The following PRKD1 variants were observed in gnomAD, a reference collection of about 807,000 sequenced individuals.
PRKD1 encodes the protein protein kinase D1.
PRKD1 carries 63 observed loss-of-function variants against 95.9 expected under a neutral mutation model. The observed-to-expected ratio is 0.66, with a 90% confidence interval of 0.54 to 0.81. The LOEUF is 0.81. Ranked by LOEUF, PRKD1 falls within the 30% of genes least tolerant of loss-of-function variation. PRKD1 has a pLI of 0.00. For synonymous variants in PRKD1, 425 were observed against 423.1 expected, an observed-to-expected ratio of 1.00 and a Z score of -0.05; for missense variants, 1,048 against 1,165.3, an observed-to-expected ratio of 0.90 and a Z score of 1.47.
chr14:29,851,782 T>C (rs965622573), intron 1 of PRKD1, among the ~76,000 whole-genome samples: 7 of 152,148 alleles, frequency 4.6e-5, no homozygotes, highest in Middle Eastern at 3.2e-3. Context: ...CATACACTTA[T>C]ATGTTCATCA....
intron 1 of PRKD1, among the ~76,000 whole-genome samples, chr14:29,844,839 A>G (rs1194387006): frequency 6.6e-6 from 1 of 152,168 alleles, no homozygotes; most frequent in South Asian, 2.1e-4. Flanking sequence ...CCATGGTCCA[A>G]TATGGCTGTG....
At chr14:29,857,187 C>T (rs1014186774) in intron 1 of PRKD1, among the ~76,000 whole-genome samples, 9 of 152,064 alleles carry the variant, frequency 5.9e-5, no homozygotes, top group Admixed American at 1.3e-4. Context: ...AGTCAGAAAA[C>T]ATAGTCATTA....
intron 2 of PRKD1, among the ~76,000 whole-genome samples, chr14:29,671,178 G>A (rs1419284974): frequency 1.3e-5 from 2 of 152,074 alleles, no homozygotes; most frequent in Non-Finnish European, 2.9e-5. Context: ...ATGGCTACAA[G>A]AGAAAAAGGT....
At chr14:29,738,786 T>A (rs938821521) in intron 1 of PRKD1, among the ~76,000 whole-genome samples, 1 of 151,702 alleles carries the variant, frequency 6.6e-6, no homozygotes, top group African/African-American at 2.4e-5. Flanking sequence ...TCCTTCTTTC[T>A]TTCTCTCTCT....
Position 29,663,794 on chromosome 14 carries a change from G to A in PRKD1, c.601C>T (p.Arg201Trp), listed in dbSNP as rs771368542. The A allele has an allele frequency of 1.6e-5, 26 of 1,613,810 alleles. No homozygotes were observed. Among genetic ancestry groups the A allele is most frequent in the African/African-American group, 5.3e-5 (4 of 74,858 alleles). ...AGGGAAACGTTTGAGAGCCTTCTCCGCCTCACACCGCTGCAATTGTTGGGT... is the reference window on the plus strand; with the variant it reads ...AGGGAAACGTTTGAGAGCCTTCTCCACCTCACACCGCTGCAATTGTTGGGT... Reference protein sequence around the residue: ...KIPNNCSGVRRRRLSNVSLTG... With the variant: ...KIPNNCSGVRWRRLSNVSLTG... The change falls in exon 4 of 18, where the codon CGG becomes TGG. Residue 201 changes from arginine (R) to tryptophan (W), a missense_variant. Arg to Trp is a moderately radical substitution (Grantham distance 101). Around this residue, in one of 3 missense-constraint regions of PRKD1, gnomAD observed 275 missense variants for 248.6 expected, o/e 1.11. Coordinates refer to ENST00000331968, the MANE Select transcript of PRKD1 (RefSeq NM_002742.3).
intron 1 of PRKD1, among the ~76,000 whole-genome samples, chr14:29,836,876 A>G (rs917840997): frequency 2.0e-5 from 3 of 152,176 alleles, no homozygotes; most frequent in Admixed American, 1.3e-4. Flanking sequence ...AGACAAGGTT[A>G]CGATTAAGTG....
chr14:29,833,614 C>G (rs549225760), intron 1 of PRKD1, among the ~76,000 whole-genome samples: 1 of 151,972 alleles, frequency 6.6e-6, no homozygotes, highest in Admixed American at 6.6e-5. Flanking sequence ...TCTTCTAGAA[C>G]AGGCAGAATT....
chr14:29,693,091 A>C (rs1594433868), intron 2 of PRKD1, among the ~76,000 whole-genome samples: 1 of 152,266 alleles, frequency 6.6e-6, no homozygotes, highest in East Asian at 1.9e-4. Context: ...CAAATGAGAA[A>C]CATCTATTAT....
At position 29,927,251 on chromosome 14, in the gene PRKD1, T is replaced by G; in HGVS notation, c.262A>C (p.Lys88Gln). Reference protein sequence around the residue: ...REMACSIVDQKFPECGFYGMY... With the variant: ...REMACSIVDQQFPECGFYGMY... Reference sequence around the variant, plus strand: ...CTGGCAGCGGTGCGGCGACTTACCTTCTGGTCGACAATGGAGCAAGCCATC... The same window carrying G: ...CTGGCAGCGGTGCGGCGACTTACCTGCTGGTCGACAATGGAGCAAGCCATC... Residue 88 changes from lysine (K) to glutamine (Q), a missense_variant and splice_region_variant, in exon 1 of 18, where the codon AAG (lysine) becomes CAG (glutamine). Coordinates refer to ENST00000331968, the MANE Select transcript of PRKD1 (RefSeq NM_002742.3). 1 of 1,501,244 alleles carries G rather than the reference T, an allele frequency of 6.7e-7. No homozygotes were observed. Among genetic ancestry groups the G allele is most frequent in the African/African-American group, 1.5e-5 (1 of 68,718 alleles). The allele number at this position is 1,501,244 out of a possible 1,614,324, so 93.0% of individuals were successfully genotyped here. A position where few individuals can be genotyped will look rare whatever the true frequency, so the allele number is the denominator to read the frequency against.
Position 29,861,654 on chromosome 14 carries a change from T to G in PRKD1, c.264+65595A>C, listed in dbSNP as rs192658587. Among the ~76,000 whole-genome samples, 3 of 152,064 alleles carry G rather than the reference T, an allele frequency of 2.0e-5. No individual in the cohort carries two copies. The East Asian group carries it at 5.8e-4, about 29-fold the overall frequency. Reference sequence around the variant, plus strand: ...ACTAGGGTTTGGTTTGGTTTTGTTTTCGTTTTTGTTTTTTCTGAGATGGAG... The same window carrying G: ...ACTAGGGTTTGGTTTGGTTTTGTTTGCGTTTTTGTTTTTTCTGAGATGGAG... On this transcript the variant is annotated intron_variant, in intron 1 of 17. Coordinates refer to ENST00000331968, the MANE Select transcript of PRKD1 (RefSeq NM_002742.3).
rs778542445 is a variant in PRKD1, at chr14:29,577,304, G to C, written c.2673C>G (p.His891Gln). 6.2e-7 allele frequency: 1 copy of C among 1,613,706 alleles called. No homozygotes were observed. Among genetic ancestry groups the C allele is most frequent in the Non-Finnish European group, 8.5e-7 (1 of 1,179,852 alleles). The change falls in exon 18 of 18, where the codon CAC becomes CAG. Residue 891 changes from histidine to glutamine, a missense_variant. Transcript: ENST00000331968. The part of the protein sequence containing the change: ...PTHLINPSAS[H>Q]SDTPETEETE... ...TTTCTTCAGTCTCAGGAGTGTCACT[G>C]TGGCTAGCACTTGGATTGATCAGGT...
At position 29,630,880 on chromosome 14, in the gene PRKD1, T is replaced by G. The variant is rs372948278; in HGVS notation, c.1534A>C (p.Ser512Arg). The G allele has an allele frequency of 1.2e-6, 2 of 1,614,128 alleles. No homozygotes were observed. Among genetic ancestry groups the G allele is most frequent in the Non-Finnish European group, 1.7e-6 (2 of 1,180,006 alleles). ...AGAACACTGTTATTTGGTGATGGGC[T>G]GGAAGGATTGACCACATTTTCTCCC... ...YVGENVVNPSSPSPNNSVLTS... is the reference protein window; with the variant it reads ...YVGENVVNPSRPSPNNSVLTS... Residue 512 changes from serine to arginine, a missense_variant, in exon 10 of 18, where the codon AGC (serine) becomes CGC (arginine). By Grantham distance (110) the Ser-to-Arg change is moderately radical (BLOSUM62 -1). Around this residue, in one of 3 missense-constraint regions of PRKD1, gnomAD observed 739 missense variants for 861.9 expected, o/e 0.86. Coordinates refer to ENST00000331968, the MANE Select transcript of PRKD1 (RefSeq NM_002742.3).
intron 16 of PRKD1, among the ~76,000 whole-genome samples, chr14:29,589,328 T>C (rs142266246): frequency 1.3e-5 from 2 of 152,358 alleles, no homozygotes; most frequent in East Asian, 1.9e-4. Context: ...ACAATTTATA[T>C]CGCTTGGTTA....
chr14:29,716,296 G>A (rs187129380), intron 2 of PRKD1, among the ~76,000 whole-genome samples: 1 of 152,140 alleles, frequency 6.6e-6, no homozygotes, highest in African/African-American at 2.4e-5. Flanking sequence ...GAAGAGAGAA[G>A]CTTGATATGT....
At chr14:29,826,108 A>ATG (rs201635918) in intron 1 of PRKD1, among the ~76,000 whole-genome samples, 4 of 150,396 alleles carry the variant, frequency 2.7e-5, no homozygotes, top group South Asian at 2.1e-4. Flanking sequence ...ACTGCGTGGT[A>ATG]TGTGTGTGTG....
chr14:29,763,957 T>A (rs1303577798), intron 1 of PRKD1, among the ~76,000 whole-genome samples: 4 of 152,180 alleles, frequency 2.6e-5, no homozygotes, highest in African/African-American at 9.7e-5. Context: ...TTGATTATAA[T>A]TTGCTCTAAA....
At chr14:29,720,448 G>C (rs1460107946) in intron 2 of PRKD1, among the ~76,000 whole-genome samples, 3 of 151,932 alleles carry the variant, frequency 2.0e-5, no homozygotes, top group Non-Finnish European at 4.4e-5. Flanking sequence ...CTTTCATCTA[G>C]TAGAAGCTTT....
intron 2 of PRKD1, among the ~76,000 whole-genome samples, chr14:29,676,192 T>TTTTTTTTTTCTTTTG (rs1883201689): frequency 1.6e-5 from 2 of 128,528 alleles, no homozygotes; most frequent in African/African-American, 6.2e-5. Flanking sequence ...TGTTTTTTTT[T>TTTTTTTTTTCTTTTG]TTTTTTTTTT....
At chr14:29,884,519 G>T (rs531171160) in intron 1 of PRKD1, among the ~76,000 whole-genome samples, 2 of 152,024 alleles carry the variant, frequency 1.3e-5, no homozygotes, top group African/African-American at 4.8e-5. Flanking sequence ...AAATAACAAA[G>T]ATGATTTTCC....
Sources: gnomAD v4.1 joint callset for allele counts (sites outside exome capture counted in the v4.1 genomes callset) on GRCh38, gnomAD v4.1.1 for gene constraint, gnomAD v4.1.1 regional missense constraint, MANE v1.5 for transcripts, NCBI Gene and HGNC (gene_info 2026-07-23, HGNC 2026-07-21) for gene names.